Variants in KCND2 observed in about 807,000 individuals in gnomAD.
KCND2 encodes A-type voltage-gated potassium channel KCND2.
A neutral mutation model predicts 54.4 loss-of-function variants in KCND2; 16 were observed. That is an observed-to-expected ratio of 0.29 (90% CI 0.20 to 0.45). KCND2 has a LOEUF of 0.45. KCND2 is among the 20% of genes least tolerant of loss of function. The probability of loss-of-function intolerance (pLI) is 1.00; values close to 1 mark genes in which losing one functional copy is unlikely to be tolerated. For synonymous variants in KCND2, 317 were observed against 310.7 expected (o/e 1.02, Z -0.21); for missense variants, 486 against 824.2 (o/e 0.59, Z 5.02).
chr7:120,328,364 C>A (rs1048833615), intron 1 of KCND2, among the ~76,000 whole-genome samples: 5 of 152,072 alleles, frequency 3.3e-5, no homozygotes, highest in Non-Finnish European at 5.9e-5. Context: ...TTGGGGTTAG[C>A]ATAAAAGTTC....
chr7:120,593,693 A>G (rs1371306098), intron 1 of KCND2, among the ~76,000 whole-genome samples: 1 of 152,184 alleles, frequency 6.6e-6, no homozygotes, highest in South Asian at 2.1e-4. Context: ...ACGACCATGC[A>G]TAAATAAGCA....
intron 1 of KCND2, among the ~76,000 whole-genome samples, chr7:120,502,778 A>C (rs1458612399): frequency 6.6e-6 from 1 of 151,990 alleles, no homozygotes; most frequent in Admixed American, 6.6e-5. Flanking sequence ...TGTATCTACC[A>C]ACTTCAGAGG....
At chr7:120,395,304 C>A (rs971261579) in intron 1 of KCND2, among the ~76,000 whole-genome samples, 4 of 151,974 alleles carry the variant, frequency 2.6e-5, no homozygotes, top group Admixed American at 6.6e-5. Context: ...CAGTATAACT[C>A]AGTATAAATA....
chr7:120,469,003 G>GGATC (rs1802417055), intron 1 of KCND2, among the ~76,000 whole-genome samples: 2 of 144,958 alleles, frequency 1.4e-5, no homozygotes, highest in African/African-American at 5.4e-5. Flanking sequence ...GATCTTTGTG[G>GGATC]TTATGGTGTG....
chr7:120,519,125 C>T (rs1006464209), intron 1 of KCND2, among the ~76,000 whole-genome samples: 1 of 152,076 alleles, frequency 6.6e-6, no homozygotes, highest in African/African-American at 2.4e-5. Context: ...ATCAGGAGTT[C>T]GAGATCAGAC....
chr7:120,702,819 G>C (rs972906153), intron 1 of KCND2, among the ~76,000 whole-genome samples: 1 of 152,088 alleles, frequency 6.6e-6, no homozygotes. Flanking sequence ...ATCAGAAAAA[G>C]TAACTAATAG....
chr7:120,482,990 C>T (rs1361785752), intron 1 of KCND2, among the ~76,000 whole-genome samples: 2 of 152,092 alleles, frequency 1.3e-5, no homozygotes, highest in East Asian at 3.9e-4. Context: ...GGTGAGAAAA[C>T]CAAGGCTTGG....
chr7:120,350,253 A>G (rs1229916908), intron 1 of KCND2, among the ~76,000 whole-genome samples: 1 of 152,124 alleles, frequency 6.6e-6, no homozygotes, highest in Non-Finnish European at 1.5e-5. Context: ...ATTTTATTAA[A>G]TTGCAGAATC....
chr7:120,303,336 T>G (rs1355180983), intron 1 of KCND2, among the ~76,000 whole-genome samples: 3 of 152,178 alleles, frequency 2.0e-5, no homozygotes, highest in Non-Finnish European at 2.9e-5. Context: ...AAACAACAAA[T>G]TGGCTATCTT....
At chr7:120,567,624 T>A (rs2116420844) in intron 1 of KCND2, among the ~76,000 whole-genome samples, 1 of 152,298 alleles carries the variant, frequency 6.6e-6, no homozygotes, top group Non-Finnish European at 1.5e-5. Context: ...CACAAATATC[T>A]AAAATGAGCA....
intron 1 of KCND2, among the ~76,000 whole-genome samples, chr7:120,487,677 C>T (rs190244242): frequency 7.8e-4 from 119 of 152,230 alleles, no homozygotes; most frequent in Middle Eastern, 3.4e-3. Flanking sequence ...CCTCTCCTTC[C>T]AGAGCAGATA....
chr7:120,289,055 CACACACACACACACACACACACAG>C (rs1288047863), intron 1 of KCND2, among the ~76,000 whole-genome samples: 2 of 24,534 alleles, frequency 8.2e-5, no homozygotes, highest in African/African-American at 1.2e-4. Context: ...CACACACACA[CACACACACACACACACACACACAG>C]AGAGAGAGAG....
Position 120,320,914 on chromosome 7 carries a change from A to T in KCND2, c.1115+45167A>T, listed in dbSNP as rs1025150229. On this transcript the variant is annotated intron_variant, in intron 1 of 5. Coordinates refer to ENST00000331113, the MANE Select transcript of KCND2 (RefSeq NM_012281.3). ...TATATTAAGGTTAAAGCGTCTGTGG[A>T]AATGTAAGCTTCCTGCAAGGAAATA... Among the ~76,000 whole-genome samples the T allele has an allele frequency of 2.0e-5, 3 of 152,254 alleles. No homozygotes were observed. The South Asian group carries it at 6.2e-4, about 32-fold the overall frequency.
At chr7:120,574,986 C>T (rs1292310718) in intron 1 of KCND2, among the ~76,000 whole-genome samples, 1 of 151,492 alleles carries the variant, frequency 6.6e-6, no homozygotes, top group Non-Finnish European at 1.5e-5. Context: ...ATTCTTTACA[C>T]TTACAAAGAC....
At chr7:120,709,580 C>T (rs1204092952) in intron 1 of KCND2, among the ~76,000 whole-genome samples, 2 of 152,070 alleles carry the variant, frequency 1.3e-5, no homozygotes, top group Non-Finnish European at 2.9e-5. Flanking sequence ...TCCTCTATGT[C>T]GTCATTTCAG....
In KCND2 at chr7:120,547,648, T is replaced by TA. The variant is rs1243681660; in HGVS notation, c.1116-185247dup. 7.2e-5 allele frequency among the ~76,000 whole-genome samples: 11 copies of TA among 151,842 alleles called. No individual in the cohort carries two copies. The East Asian group carries it at 1.5e-3, about 21-fold the overall frequency. Reference sequence around the variant, plus strand: ...ATGTGAATAAATTATTTACCCATCTTAAAAAAAATGTTCTCTACTTAAAAT... The same window carrying TA: ...ATGTGAATAAATTATTTACCCATCTTAAAAAAAAATGTTCTCTACTTAAAAT... On this transcript the variant is annotated intron_variant, in intron 1 of 5. Transcript: ENST00000331113.
intron 1 of KCND2, among the ~76,000 whole-genome samples, chr7:120,321,425 C>T (rs1048735728): frequency 6.6e-6 from 1 of 152,106 alleles, no homozygotes; most frequent in African/African-American, 2.4e-5. Flanking sequence ...TGAGCCACTG[C>T]TCCTGGCCCA....
At chr7:120,348,989 A>G (rs935516325) in intron 1 of KCND2, among the ~76,000 whole-genome samples, 1 of 152,164 alleles carries the variant, frequency 6.6e-6, no homozygotes, top group Non-Finnish European at 1.5e-5. Flanking sequence ...TTCTGAATAT[A>G]TGAATGAACT....
chr7:120,577,774 A>G (rs1328733524), intron 1 of KCND2, among the ~76,000 whole-genome samples: 2 of 152,106 alleles, frequency 1.3e-5, no homozygotes, highest in Non-Finnish European at 2.9e-5. Flanking sequence ...TTTAGTAGAG[A>G]TGGGATTTCA....
Sources: allele counts gnomAD v4.1 joint callset (sites outside exome capture counted in the v4.1 genomes callset), GRCh38; gene constraint gnomAD v4.1.1; transcripts MANE v1.5; gene names NCBI Gene and HGNC (gene_info 2026-07-23, HGNC 2026-07-21).